GOLIM4: variants seen among roughly 807,000 people sequenced by gnomAD.
GOLIM4 encodes the protein golgi integral membrane protein 4.
GOLIM4 carries 71 observed loss-of-function variants against 107.4 expected under a neutral mutation model. The ratio of observed to expected loss-of-function variants is 0.66; its 90% confidence interval spans 0.55 to 0.81. GOLIM4 has a LOEUF of 0.81. Ranked by LOEUF, GOLIM4 falls within the 30% of genes least tolerant of loss-of-function variation. The pLI, the probability that GOLIM4 is intolerant of heterozygous loss-of-function variation, is 0.00. For missense variants in GOLIM4, 830 were observed against 826.1 expected (o/e 1.00, Z -0.06); for synonymous variants, 327 against 294.8 (o/e 1.11, Z -1.12).
intron 1 of GOLIM4, among the ~76,000 whole-genome samples, chr3:168,089,357 T>C (rs763504930): frequency 6.6e-6 from 1 of 152,218 alleles, no homozygotes; most frequent in Non-Finnish European, 1.5e-5. Flanking sequence ...TTGCCCACAC[T>C]TGTGGTCTAA....
At chr3:168,080,086 T>C (rs1042110785) in intron 1 of GOLIM4, among the ~76,000 whole-genome samples, 200 of 152,258 alleles carry the variant, frequency 1.3e-3, no homozygotes, top group African/African-American at 4.2e-3. Flanking sequence ...TATGGAAGTA[T>C]ATAATAACAA....
rs112622773 is a variant in GOLIM4, at chr3:168,033,952, G to A, written c.844-1100C>T. 9.1e-3 allele frequency among the ~76,000 whole-genome samples: 1,381 copies of A among 152,082 alleles called. 4 individuals carry two copies. The highest frequency in any genetic ancestry group is 0.014 in the Non-Finnish European group (931 of 67,996). On this transcript the variant is annotated intron_variant, in intron 8 of 15. Transcript: ENST00000470487. ...ATATAGTATATCAACAGAAACAAAC[G>A]TCACTCTTTTTTTCTCTTTAACCTT...
chr3:168,088,998 A>G (rs958513306), intron 1 of GOLIM4, among the ~76,000 whole-genome samples: 1 of 152,230 alleles, frequency 6.6e-6, no homozygotes, highest in Non-Finnish European at 1.5e-5. Context: ...TAGAGTTGGC[A>G]TGTTACATAT....
intron 1 of GOLIM4, 72 bp downstream of exon 1, chr3:168,095,027 G>T: frequency 8.1e-7 from 1 of 1,230,804 alleles, no homozygotes; most frequent in Non-Finnish European, 1.2e-6. Flanking sequence ...GCTCACCAAA[G>T]CCACTTTTCC....
At chr3:168,060,566 G>A (rs1457789420) in intron 1 of GOLIM4, among the ~76,000 whole-genome samples, 1 of 152,200 alleles carries the variant, frequency 6.6e-6, no homozygotes, top group Non-Finnish European at 1.5e-5. Flanking sequence ...ACATTTGATT[G>A]GGTGTTGACA....
chr3:168,012,719 A>T (rs977268538), intron 14 of GOLIM4, among the ~76,000 whole-genome samples: 6 of 152,058 alleles, frequency 3.9e-5, no homozygotes, highest in Non-Finnish European at 7.3e-5. Flanking sequence ...GCCAGAAGAG[A>T]GTGGGGGCCA....
chr3:168,088,498 G>C (rs1275338828), intron 1 of GOLIM4, among the ~76,000 whole-genome samples: 1 of 152,106 alleles, frequency 6.6e-6, no homozygotes, highest in African/African-American at 2.4e-5. Context: ...ATTAAAACAC[G>C]AAGAGGCTGA....
chr3:168,023,802 TACA>T (rs752441298), intron 14 of GOLIM4, among the ~76,000 whole-genome samples: 58 of 152,302 alleles, frequency 3.8e-4, no homozygotes, highest in African/African-American at 1.1e-3. Context: ...ATAAAACGGC[TACA>T]ACAAGCAGCA....
chr3:168,049,099 C>A (rs1719478532), intron 1 of GOLIM4, among the ~76,000 whole-genome samples: 2 of 152,138 alleles, frequency 1.3e-5, no homozygotes, highest in African/African-American at 4.8e-5. Context: ...TCCTCCCTCC[C>A]CACCCAGTCT....
At chr3:168,032,879 A>G in intron 8 of GOLIM4, 27 bp from the exon 9 acceptor site, 1 of 1,508,026 alleles carries the variant, frequency 6.6e-7, no homozygotes, top group Non-Finnish European at 9.1e-7. Context: ...ACTGGGAATG[A>G]CACTCTTCCA....
intron 4 of GOLIM4, 27 bp from the exon 5 acceptor site, chr3:168,043,556 A>G (rs1441963252): frequency 6.4e-6 from 10 of 1,572,236 alleles, no homozygotes; most frequent in Non-Finnish European, 7.7e-6. Flanking sequence ...TTGAGTAGAA[A>G]TATACATTCT....
In GOLIM4 at chr3:168,085,784, T is replaced by A. The variant is rs79332524; in HGVS notation, c.187+9315A>T. On this transcript the variant is annotated intron_variant, in intron 1 of 15. Coordinates refer to ENST00000470487, the MANE Select transcript of GOLIM4 (RefSeq NM_014498.5). ...AGCACTTGCCTCAACAGACTTCAAATTCCTATTGACAGGTGACTCCTATTT... is the reference window on the plus strand; with the variant it reads ...AGCACTTGCCTCAACAGACTTCAAAATCCTATTGACAGGTGACTCCTATTT... Among the ~76,000 whole-genome samples, 320 of 152,298 alleles carry A rather than the reference T, an allele frequency of 2.1e-3. 2 individuals are homozygous for A. Among genetic ancestry groups the A allele is most frequent in the African/African-American group, 7.1e-3 (295 of 41,558 alleles).
intron 1 of GOLIM4, among the ~76,000 whole-genome samples, chr3:168,090,398 G>A (rs947677199): frequency 6.6e-6 from 1 of 151,964 alleles, no homozygotes. Flanking sequence ...TAGACAAGAA[G>A]ACAACACACA....
At chr3:168,084,368 T>C (rs1176162866) in intron 1 of GOLIM4, among the ~76,000 whole-genome samples, 2 of 152,194 alleles carry the variant, frequency 1.3e-5, no homozygotes, top group Admixed American at 6.5e-5. Context: ...AACAGACTAA[T>C]ACACTTGCCC....
chr3:168,076,408 T>A (rs948869645), intron 1 of GOLIM4, among the ~76,000 whole-genome samples: 2 of 152,194 alleles, frequency 1.3e-5, no homozygotes, highest in African/African-American at 4.8e-5. Context: ...AAAAAATAAA[T>A]CCTGGCCGGG....
intron 1 of GOLIM4, among the ~76,000 whole-genome samples, chr3:168,057,168 C>T (rs913268490): frequency 6.6e-6 from 1 of 152,192 alleles, no homozygotes; most frequent in Non-Finnish European, 1.5e-5. Flanking sequence ...ACAAGTTCTC[C>T]TGTCTGCTGC....
intron 1 of GOLIM4, among the ~76,000 whole-genome samples, chr3:168,093,685 T>A (rs1722018090): frequency 6.6e-6 from 1 of 152,244 alleles, no homozygotes; most frequent in Non-Finnish European, 1.5e-5. Context: ...TTCAATGAGT[T>A]TAAAGAAAAT....
In GOLIM4 at chr3:168,030,065, A is replaced by G. The variant is rs1474447853; in HGVS notation, c.1177-29T>C. 3 of 1,606,324 alleles carry G rather than the reference A, an allele frequency of 1.9e-6. No individual in the cohort carries two copies. In the African/African-American group the frequency reaches 4.0e-5, roughly 21 times the overall value. On this transcript the variant is annotated intron_variant, in intron 9 of 15. Transcript: ENST00000470487. ...GGGTGAAAAAGAGTTGGTGCAGAGC[A>G]AGAGGGGTTAGCTCCTCTGGGTTTT...
chr3:168,056,545 G>C (rs1719983335), intron 1 of GOLIM4, among the ~76,000 whole-genome samples: 1 of 152,208 alleles, frequency 6.6e-6, no homozygotes, highest in African/African-American at 2.4e-5. Context: ...CATGAAAGCA[G>C]CTGGGAGGGA....
Sources: gnomAD v4.1 joint callset for allele counts (sites outside exome capture counted in the v4.1 genomes callset) on GRCh38, gnomAD v4.1.1 for gene constraint, MANE v1.5 for transcripts, NCBI Gene and HGNC (gene_info 2026-07-23, HGNC 2026-07-21) for gene names.